The following GABBR2 variants were observed in gnomAD, a reference collection of about 807,000 sequenced individuals.
GABBR2 encodes gamma-aminobutyric acid type B receptor subunit 2.
A neutral mutation model predicts 105.6 loss-of-function variants in GABBR2; 23 were observed. The observed-to-expected ratio is 0.22, with a 90% CI of 0.16 to 0.31. GABBR2 has a LOEUF of 0.31. Ranked by LOEUF, GABBR2 falls within the 10% of genes least tolerant of loss-of-function variation. The pLI, the probability that GABBR2 is intolerant of heterozygous loss-of-function variation, is 1.00. For synonymous variants in GABBR2, 478 were observed against 499.7 expected (o/e 0.96, Z 0.58); for missense variants, 734 against 1,245.5 (o/e 0.59, Z 6.18).
At chr9:98,326,688 G>A (rs747521400) in intron 13 of GABBR2, among the ~76,000 whole-genome samples, 1 of 152,214 alleles carries the variant, frequency 6.6e-6, no homozygotes, top group Non-Finnish European at 1.5e-5. Flanking sequence ...GATTTTGTGT[G>A]AGTGAGGAAT....
intron 7 of GABBR2, among the ~76,000 whole-genome samples, chr9:98,414,220 A>G (rs1447567464): frequency 6.6e-6 from 1 of 152,218 alleles, no homozygotes; most frequent in African/African-American, 2.4e-5. Context: ...CCTAATTTAG[A>G]CTGGAGGCCA....
At chr9:98,292,566 T>C (rs543883021) in intron 18 of GABBR2, among the ~76,000 whole-genome samples, 1 of 152,248 alleles carries the variant, frequency 6.6e-6, no homozygotes, top group East Asian at 1.9e-4. Flanking sequence ...GGAACTACAG[T>C]GTTGGAGATC....
chr9:98,465,132 A>AG (rs1826520888), intron 6 of GABBR2, among the ~76,000 whole-genome samples: 1 of 148,790 alleles, frequency 6.7e-6, no homozygotes, highest in Non-Finnish European at 1.5e-5. Context: ...AAAAAAAAAA[A>AG]AAAAAAAAAA....
intron 13 of GABBR2, among the ~76,000 whole-genome samples, chr9:98,332,681 T>C (rs1459391986): frequency 6.6e-6 from 1 of 152,256 alleles, no homozygotes; most frequent in Non-Finnish European, 1.5e-5. Flanking sequence ...AAGCCTGCCA[T>C]ATATTTTTAA....
rs550314834 is a variant in GABBR2 at position 98,561,677 on chromosome 9, G to C, written c.459+16258C>G. Among the ~76,000 whole-genome samples, 4 of 152,310 alleles carry C rather than the reference G, an allele frequency of 2.6e-5. No homozygotes were observed. The East Asian group carries it at 7.7e-4, about 29-fold the overall frequency. ...GCAGGAGGCTCGATTGAGCCTAGGA[G>C]TTTGAATCCAGCCTGAGCAACATGG... On this transcript the variant is annotated intron_variant, in intron 2 of 18. Transcript: ENST00000259455.
At chr9:98,677,183 T>A (rs1830487815) in intron 1 of GABBR2, among the ~76,000 whole-genome samples, 1 of 152,226 alleles carries the variant, frequency 6.6e-6, no homozygotes, top group Non-Finnish European at 1.5e-5. Context: ...AGTCTTACCA[T>A]CTGCAGCAGT....
At chr9:98,707,165 G>A (rs1034636954) in intron 1 of GABBR2, 5 of 152,270 alleles carry the variant, frequency 3.3e-5, no homozygotes, top group Non-Finnish European at 5.9e-5. Context: ...CATAAAGAGG[G>A]TCCGACCAAG....
At chr9:98,476,003 G>T (rs1281447522) in intron 5 of GABBR2, among the ~76,000 whole-genome samples, 2 of 152,178 alleles carry the variant, frequency 1.3e-5, no homozygotes, top group Non-Finnish European at 2.9e-5. Context: ...GGCAGAAGTT[G>T]CAGTGAGCTG....
intron 1 of GABBR2, among the ~76,000 whole-genome samples, chr9:98,687,025 G>T (rs1384374591): frequency 6.6e-6 from 1 of 151,946 alleles, no homozygotes; most frequent in African/African-American, 2.4e-5. Flanking sequence ...CTTTAACCAG[G>T]TTTCCTGCCC....
intron 3 of GABBR2, among the ~76,000 whole-genome samples, chr9:98,538,303 T>C (rs1255252717): frequency 2.6e-5 from 4 of 152,118 alleles, no homozygotes; most frequent in Non-Finnish European, 5.9e-5. Context: ...AATCCTTCCT[T>C]CTTTTGTCTC....
In GABBR2 at chr9:98,388,145, T is replaced by C. The variant is rs1210548304; in HGVS notation, c.1529+709A>G. 1.3e-5 allele frequency among the ~76,000 whole-genome samples: 2 copies of C among 152,212 alleles called. No individual in the cohort carries two copies. The highest frequency in any genetic ancestry group is 2.9e-5 in the Non-Finnish European group (2 of 68,030). ...AAAACCACCGCCTGGAGTGGCGGCC[T>C]GTTCTACCCATGACTGACCAGAATA... On this transcript the variant is annotated intron_variant, in intron 10 of 18. Transcript: ENST00000259455. The surrounding 1 kb of genome is among the most constrained non-coding windows in gnomAD (Gnocchi z 4.4).
chr9:98,373,071 T>C (rs1588127539), intron 11 of GABBR2, among the ~76,000 whole-genome samples: 1 of 152,116 alleles, frequency 6.6e-6, no homozygotes, highest in East Asian at 1.9e-4. Flanking sequence ...ACCCAGATGA[T>C]CATAAAAGGA....
chr9:98,489,646 A>C (rs1827132946), intron 4 of GABBR2, among the ~76,000 whole-genome samples: 1 of 152,094 alleles, frequency 6.6e-6, no homozygotes, highest in Non-Finnish European at 1.5e-5. Flanking sequence ...TCAAGTTTCG[A>C]ACGTAATATC....
chr9:98,448,353 C>A (rs944991904), intron 7 of GABBR2, among the ~76,000 whole-genome samples: 1 of 152,170 alleles, frequency 6.6e-6, no homozygotes, highest in Non-Finnish European at 1.5e-5. Context: ...CCATCCAAAC[C>A]CAGTGTACAT....
chr9:98,328,043 T>TTTTTTTTTTTTTTTTG (rs1433638259), intron 13 of GABBR2, among the ~76,000 whole-genome samples: 1 of 150,312 alleles, frequency 6.7e-6, no homozygotes. Context: ...ATCAATATTC[T>TTTTTTTTTTTTTTTTG]AAACCATATA....
intron 16 of GABBR2, among the ~76,000 whole-genome samples, chr9:98,301,981 G>A (rs1830477176): frequency 6.6e-6 from 1 of 152,184 alleles, no homozygotes; most frequent in African/African-American, 2.4e-5. Flanking sequence ...AATCCAGAAT[G>A]TCCAGTCAAA....
At position 98,425,542 on chromosome 9, in the gene GABBR2, C is replaced by T. The variant is rs149762988; in HGVS notation, c.1237-19401G>A. Among the ~76,000 whole-genome samples the T allele has an allele frequency of 3.3e-5, 5 of 152,340 alleles. No individual in the cohort carries two copies. The East Asian group carries it at 9.6e-4, about 29-fold the overall frequency. On this transcript the variant is annotated intron_variant, in intron 7 of 18. Transcript: ENST00000259455. Reference sequence around the variant, plus strand: ...AGGTATAACACGCAGAGCAAACAGGCATTCCATGGCTCTGGTCCTACTGCA... The same window carrying T: ...AGGTATAACACGCAGAGCAAACAGGTATTCCATGGCTCTGGTCCTACTGCA...
chr9:98,699,263 G>A (rs999475112), intron 1 of GABBR2, among the ~76,000 whole-genome samples: 3 of 152,116 alleles, frequency 2.0e-5, no homozygotes, highest in Non-Finnish European at 2.9e-5. Context: ...ATGTACCTTG[G>A]AGGATGGTGC....
At chr9:98,451,156 C>G (rs1209224990) in intron 7 of GABBR2, among the ~76,000 whole-genome samples, 1 of 152,038 alleles carries the variant, frequency 6.6e-6, no homozygotes, top group African/African-American at 2.4e-5. Flanking sequence ...TTCTGTCCAG[C>G]ATTTCTGAGG....
Sources: allele counts gnomAD v4.1 joint callset (sites outside exome capture counted in the v4.1 genomes callset), GRCh38; gene constraint gnomAD v4.1.1; non-coding constraint Gnocchi (gnomAD v3.1); transcripts MANE v1.5; gene names NCBI Gene and HGNC (gene_info 2026-07-23, HGNC 2026-07-21).